Variants in NAP1L4 observed in about 807,000 individuals in gnomAD.
NAP1L4 encodes nucleosome assembly protein 1-like 4.
In NAP1L4, 15 loss-of-function variants were observed where a neutral mutation model predicts 58.2. The ratio of observed to expected loss-of-function variants is 0.26; its 90% CI spans 0.17 to 0.40. The LOEUF is 0.40. NAP1L4 is among the 10% of genes least tolerant of loss of function. NAP1L4 has a pLI of 1.00. For missense variants in NAP1L4, 384 were observed against 451.1 expected, an observed-to-expected ratio of 0.85 and a Z score of 1.35; for synonymous variants, 171 against 155.6, an observed-to-expected ratio of 1.10 and a Z score of -0.74.
At chr11:2,978,632 T>C (rs928361392) in intron 2 of NAP1L4, among the ~76,000 whole-genome samples, 1 of 152,170 alleles carries the variant, frequency 6.6e-6, no homozygotes, top group African/African-American at 2.4e-5. Context: ...GCTTCTTTCC[T>C]CAAAAAATCT....
At position 2,951,437 on chromosome 11, in the gene NAP1L4, A is replaced by G. The variant is rs1846222382; in HGVS notation, c.1066-122T>C. 1 of 814,028 alleles carries G rather than the reference A, an allele frequency of 1.2e-6. No homozygotes were observed. Among genetic ancestry groups the G allele is most frequent in the African/African-American group, 1.7e-5 (1 of 59,002 alleles). 50.4% of individuals were successfully genotyped at this position (814,028 alleles called of 1,614,324 possible). ...TGGAAATCAATTACTGCTACCCACAAGTGACTCATCACTTCCTTTGGACAC... is the reference window on the plus strand; with the variant it reads ...TGGAAATCAATTACTGCTACCCACAGGTGACTCATCACTTCCTTTGGACAC... On this transcript the variant is annotated intron_variant, in intron 13 of 15. Coordinates refer to ENST00000380542, the MANE Select transcript of NAP1L4 (RefSeq NM_005969.4). The surrounding 1 kb of genome is among the most constrained non-coding windows in gnomAD (Gnocchi z 4.0).
intron 9 of NAP1L4, 136 bp from the exon 10 acceptor site, chr11:2,958,680 G>A: frequency 1.2e-6 from 1 of 829,036 alleles, no homozygotes; most frequent in Admixed American, 3.1e-5. Flanking sequence ...CAAATACAAT[G>A]GCCCATGAAG....
chr11:2,960,544 C>T (rs373516977), intron 8 of NAP1L4, among the ~76,000 whole-genome samples: 14 of 152,200 alleles, frequency 9.2e-5, no homozygotes, highest in African/African-American at 2.4e-4. Flanking sequence ...ACAAGGCATT[C>T]ATGCTCACGA....
chr11:2,984,666 A>G (rs1848522598), intron 1 of NAP1L4, among the ~76,000 whole-genome samples: 1 of 152,190 alleles, frequency 6.6e-6, no homozygotes, highest in Non-Finnish European at 1.5e-5. Flanking sequence ...GGCCCTGTCT[A>G]CTTCCCCATA....
At position 2,959,616 on chromosome 11, in the gene NAP1L4, T is replaced by G. The variant is rs564481388; in HGVS notation, c.746+154A>C. ...TTCTGCACTATGAGCATTCCCAAAC[T>G]GAAAGACTATTGAAATATACATCTA... On this transcript the variant is annotated intron_variant, in intron 9 of 15. Coordinates refer to ENST00000380542, the MANE Select transcript of NAP1L4 (RefSeq NM_005969.4). The surrounding 1 kb of genome is among the most constrained non-coding windows in gnomAD (Gnocchi z 4.9). 6.6e-5 allele frequency among the ~76,000 whole-genome samples: 10 copies of G among 152,274 alleles called. No homozygotes were observed. Among genetic ancestry groups the G allele is most frequent in the African/African-American group, 2.2e-4 (9 of 41,480 alleles).
chr11:2,954,388 A>G lies in NAP1L4; in HGVS notation c.1035+139T>C. 1 of 1,221,140 alleles carries G rather than the reference A, an allele frequency of 8.2e-7. No individual in the cohort carries two copies. The highest frequency in any genetic ancestry group is 1.2e-6 in the Non-Finnish European group (1 of 845,478). The allele number at this position is 1,221,140 out of a possible 1,614,324, so 75.6% of individuals were successfully genotyped here. The stretch of plus-strand genomic sequence containing the variant: ...AGCGTATTCCCCCCACAACAAGGAC[A>G]GCAGCTTGGACTACATATCTGGCTG... On this transcript the variant is annotated intron_variant, in intron 12 of 15. Transcript: ENST00000380542. The surrounding 1 kb of genome is among the most constrained non-coding windows in gnomAD (Gnocchi z 4.8).
intron 3 of NAP1L4, among the ~76,000 whole-genome samples, chr11:2,977,527 G>A (rs946429915): frequency 1.3e-5 from 2 of 152,176 alleles, no homozygotes; most frequent in African/African-American, 2.4e-5. Flanking sequence ...GATGCAAAAG[G>A]TAGGGAGATG....
intron 8 of NAP1L4, chr11:2,960,185 CTAGCTTCTCT>C (rs1846789326): frequency 3.1e-6 from 1 of 323,938 alleles, no homozygotes; most frequent in Non-Finnish European, 5.8e-6. Flanking sequence ...CTAAGAAATC[CTAGCTTCTCT>C]TAGCTGCTCC....
rs1846089859 is a variant in NAP1L4, at chr11:2,949,129, G to A, written c.*32+98C>T. On this transcript the variant is annotated intron_variant, in intron 15 of 15. Coordinates refer to ENST00000380542, the MANE Select transcript of NAP1L4 (RefSeq NM_005969.4). The surrounding 1 kb of genome is among the most constrained non-coding windows in gnomAD (Gnocchi z 4.0). Reference sequence around the variant, plus strand: ...AACCTGTGACACAGTGAGTGTACCTGGACAGCAACTCCCTCTTTATTCAAA... The same window carrying A: ...AACCTGTGACACAGTGAGTGTACCTAGACAGCAACTCCCTCTTTATTCAAA... 4 of 930,986 alleles carry A rather than the reference G, an allele frequency of 4.3e-6. No individual in the cohort carries two copies. The highest frequency in any genetic ancestry group is 6.7e-6 in the Non-Finnish European group (4 of 596,350). The allele number at this position is 930,986 out of a possible 1,614,324, so 57.7% of individuals were successfully genotyped here.
chr11:2,960,346 C>T (rs1378574107), intron 8 of NAP1L4, among the ~76,000 whole-genome samples: 1 of 152,202 alleles, frequency 6.6e-6, no homozygotes, highest in East Asian at 1.9e-4. Context: ...CTACTCTGTG[C>T]TGTGCAGTGA....
Position 2,972,099 on chromosome 11 carries a change from T to TA in NAP1L4, c.315+2dup. 1 of 1,558,078 alleles carries TA rather than the reference T, an allele frequency of 6.4e-7. No individual in the cohort carries two copies. Among genetic ancestry groups the TA allele is most frequent in the Non-Finnish European group, 8.6e-7 (1 of 1,160,372 alleles). On this transcript the variant is annotated splice_region_variant and intron_variant, in intron 5 of 15. Coordinates refer to ENST00000380542, the MANE Select transcript of NAP1L4 (RefSeq NM_005969.4). Reference sequence around the variant, plus strand: ...TGTATATTAAATTAACAGAGCTCCCTACCTTGTCAAAGAGAGGCTGGTATA... The same window carrying TA: ...TGTATATTAAATTAACAGAGCTCCCTAACCTTGTCAAAGAGAGGCTGGTATA...
At chr11:2,965,820 G>A (rs1564980925) in intron 7 of NAP1L4, among the ~76,000 whole-genome samples, 1 of 152,170 alleles carries the variant, frequency 6.6e-6, no homozygotes, top group Non-Finnish European at 1.5e-5. Flanking sequence ...GTGAGCCACC[G>A]CGCCCGGCCA....
rs375626264 is a variant in NAP1L4 at position 2,964,765 on chromosome 11, G to GA, written c.535-15dup. 7.9e-5 allele frequency: 127 copies of GA among 1,597,584 alleles called. No homozygotes were observed. The highest frequency in any genetic ancestry group is 1.1e-4 in the Non-Finnish European group (123 of 1,167,484). ...TTCATCATATTCCTAATCAAAAAGA[G>GA]AAAAAAAATTCCAACAGGCTTTTAA... On this transcript the variant is annotated splice_polypyrimidine_tract_variant and intron_variant, in intron 7 of 15. Coordinates refer to ENST00000380542, the MANE Select transcript of NAP1L4 (RefSeq NM_005969.4).
At chr11:2,960,453 C>T (rs1444041694) in intron 8 of NAP1L4, among the ~76,000 whole-genome samples, 1 of 152,158 alleles carries the variant, frequency 6.6e-6, no homozygotes, top group Non-Finnish European at 1.5e-5. Flanking sequence ...ACAAAGCACG[C>T]TACAGACCTG....
At chr11:2,989,994 T>C (rs1307835810) in intron 1 of NAP1L4, 2 of 152,244 alleles carry the variant, frequency 1.3e-5, no homozygotes, top group East Asian at 3.8e-4. Context: ...TTACCAAAGT[T>C]ATCAAACTTA....
chr11:2,963,952 T>C (rs1042881479), intron 8 of NAP1L4: 4 of 513,032 alleles, frequency 7.8e-6, no homozygotes, highest in Non-Finnish European at 1.6e-5. Context: ...GATGAGCATA[T>C]GGTTCCTCAG....
chr11:2,954,443 G>A lies in NAP1L4; in HGVS notation c.1035+84C>T, dbSNP rs1173508979. On this transcript the variant is annotated intron_variant, in intron 12 of 15. Transcript: ENST00000380542. The surrounding 1 kb of genome is among the most constrained non-coding windows in gnomAD (Gnocchi z 4.8). ...TGTAATAAAAAGATTAGGCATGGGG[G>A]TTTCCTAAGCCACAATTCAGGGCCA... 2 of 1,591,382 alleles carry A rather than the reference G, an allele frequency of 1.3e-6. No homozygotes were observed. The highest frequency in any genetic ancestry group is 1.1e-5 in the South Asian group (1 of 90,440).
chr11:2,981,971 A>G (rs910764057), intron 1 of NAP1L4, among the ~76,000 whole-genome samples: 3 of 152,178 alleles, frequency 2.0e-5, no homozygotes, highest in African/African-American at 7.2e-5. Context: ...AGTATTCCTG[A>G]GGTTAGTTCC....
intron 1 of NAP1L4, chr11:2,990,406 C>T (rs192828290): frequency 6.6e-6 from 1 of 152,322 alleles, no homozygotes; most frequent in East Asian, 1.9e-4. Flanking sequence ...CATTCTATCA[C>T]CACGTTGCTT....
Sources: allele counts gnomAD v4.1 joint callset (sites outside exome capture counted in the v4.1 genomes callset), GRCh38; gene constraint gnomAD v4.1.1; non-coding constraint Gnocchi (gnomAD v3.1); transcripts MANE v1.5; gene names NCBI Gene and HGNC (gene_info 2026-07-23, HGNC 2026-07-21).